Variants in RAB3GAP1 observed in about 807,000 individuals in gnomAD.
RAB3GAP1 encodes rab3 GTPase-activating protein catalytic subunit.
In RAB3GAP1, 86 loss-of-function variants were observed where a neutral mutation model predicts 130.7. The ratio of observed to expected loss-of-function variants is 0.66; its 90% CI spans 0.55 to 0.79. The LOEUF is 0.79. Ranked by LOEUF, RAB3GAP1 falls within the 30% of genes least tolerant of loss-of-function variation. The pLI, the probability that RAB3GAP1 is intolerant of heterozygous loss-of-function variation, is 0.00. For missense variants in RAB3GAP1, 1,029 were observed against 1,169.4 expected (o/e 0.88, Z 1.75); for synonymous variants, 367 against 401.7 (o/e 0.91, Z 1.03).
At chr2:135,102,725 T>C (rs1412024948) in intron 5 of RAB3GAP1, among the ~76,000 whole-genome samples, 1 of 152,136 alleles carries the variant, frequency 6.6e-6, no homozygotes, top group African/African-American at 2.4e-5. Flanking sequence ...TTAAGAAATA[T>C]TCATTTTTGT....
intron 3 of RAB3GAP1, among the ~76,000 whole-genome samples, chr2:135,059,490 AATTTT>A (rs1192402585): frequency 6.6e-6 from 1 of 152,170 alleles, no homozygotes; most frequent in Non-Finnish European, 1.5e-5. Flanking sequence ...GAAACATTAA[AATTTT>A]ATTTTATTAT....
At chr2:135,082,203 C>G (rs891294878) in intron 3 of RAB3GAP1, among the ~76,000 whole-genome samples, 4 of 150,434 alleles carry the variant, frequency 2.7e-5, no homozygotes, top group African/African-American at 1.0e-4. Flanking sequence ...AATTTATATA[C>G]CATAAAATTT....
At chr2:135,053,970 T>C (rs1688946314) in intron 2 of RAB3GAP1, among the ~76,000 whole-genome samples, 1 of 152,034 alleles carries the variant, frequency 6.6e-6, no homozygotes, top group Admixed American at 6.5e-5. Flanking sequence ...GGTAGAGACA[T>C]AGGTGAGAAT....
At chr2:135,052,379 T>C (rs972465950) in intron 1 of RAB3GAP1, 51 bp from the exon 2 acceptor site, 1 of 1,614,178 alleles carries the variant, frequency 6.2e-7, no homozygotes. Context: ...TCGTTCCTCA[T>C]GTCTTCGCCT....
At chr2:135,060,913 A>C (rs1338163737) in intron 3 of RAB3GAP1, among the ~76,000 whole-genome samples, 1 of 150,868 alleles carries the variant, frequency 6.6e-6, no homozygotes, top group Non-Finnish European at 1.5e-5. Flanking sequence ...CACGTTGGCC[A>C]GGCTGGTCTC....
intron 19 of RAB3GAP1, among the ~76,000 whole-genome samples, chr2:135,156,224 C>T (rs889887231): frequency 1.3e-5 from 2 of 152,078 alleles, no homozygotes; most frequent in African/African-American, 4.8e-5. Flanking sequence ...AAGAACCAGG[C>T]CCAGATGGTT....
At chr2:135,092,617 T>C (rs1690179598) in intron 4 of RAB3GAP1, among the ~76,000 whole-genome samples, 1 of 152,170 alleles carries the variant, frequency 6.6e-6, no homozygotes, top group South Asian at 2.1e-4. Flanking sequence ...TTTGTATTTT[T>C]AGTAGAGACA....
intron 5 of RAB3GAP1, among the ~76,000 whole-genome samples, chr2:135,099,626 C>T (rs1690397478): frequency 6.6e-6 from 1 of 151,150 alleles, no homozygotes; most frequent in African/African-American, 2.4e-5. Flanking sequence ...GTATTTTGTT[C>T]TCTTTTATTT....
intron 3 of RAB3GAP1, among the ~76,000 whole-genome samples, chr2:135,074,666 C>T (rs1225038131): frequency 2.6e-5 from 4 of 152,088 alleles, no homozygotes; most frequent in South Asian, 2.1e-4. Context: ...AGATGGGCCA[C>T]CAAAATGTTG....
At chr2:135,060,873 T>G (rs1372637398) in intron 3 of RAB3GAP1, among the ~76,000 whole-genome samples, 1 of 151,996 alleles carries the variant, frequency 6.6e-6, no homozygotes, top group South Asian at 2.1e-4. Flanking sequence ...GCCTGGCTAT[T>G]TTTGTGTTTC....
chr2:135,150,752 A>G (rs907485787), intron 18 of RAB3GAP1, among the ~76,000 whole-genome samples: 2 of 152,238 alleles, frequency 1.3e-5, no homozygotes, highest in Admixed American at 6.5e-5. Context: ...TCATTTCTAT[A>G]TGTGAATTGG....
At chr2:135,093,790 G>A in intron 5 of RAB3GAP1, 97 bp downstream of exon 5, 3 of 982,504 alleles carry the variant, frequency 3.1e-6, no homozygotes, top group South Asian at 2.6e-5. Context: ...AGACTCAGAG[G>A]ACTCAGCATT....
intron 3 of RAB3GAP1, among the ~76,000 whole-genome samples, chr2:135,073,552 C>T (rs1483441868): frequency 6.6e-6 from 1 of 152,142 alleles, no homozygotes; most frequent in African/African-American, 2.4e-5. Flanking sequence ...CCATGTATCT[C>T]ATTGGGGCAG....
Position 135,058,309 on chromosome 2 carries a change from G to GTA in RAB3GAP1, c.150+238_150+239dup, listed in dbSNP as rs147304537. ...AATAAAGTTATATATATGTGTGTGT[G>GTA]TATATATATATATATAAAATGTCAT... On this transcript the variant is annotated intron_variant, in intron 3 of 23. Coordinates refer to ENST00000264158, the MANE Select transcript of RAB3GAP1 (RefSeq NM_012233.3). 3.4e-3 allele frequency: 1,223 copies of GTA among 359,458 alleles called. 3 individuals are homozygous for GTA. Among genetic ancestry groups the GTA allele is most frequent in the African/African-American group, 0.016 (770 of 46,792 alleles). 22.3% of individuals were successfully genotyped at this position (359,458 alleles called of 1,614,324 possible).
chr2:135,065,253 C>T (rs1032390835), intron 3 of RAB3GAP1, among the ~76,000 whole-genome samples: 7 of 152,096 alleles, frequency 4.6e-5, no homozygotes, highest in African/African-American at 1.7e-4. Context: ...GATTAGAGCC[C>T]CCTTAGATCA....
chr2:135,105,423 G>A (rs1037184460), intron 5 of RAB3GAP1, among the ~76,000 whole-genome samples: 1 of 151,768 alleles, frequency 6.6e-6, no homozygotes, highest in Non-Finnish European at 1.5e-5. Flanking sequence ...TGGTGGAGAC[G>A]GGGTTTCACT....
At chr2:135,117,357 A>G (rs892778210) in intron 7 of RAB3GAP1, among the ~76,000 whole-genome samples, 11 of 151,946 alleles carry the variant, frequency 7.2e-5, no homozygotes, top group African/African-American at 2.4e-4. Flanking sequence ...CTTCAATTAT[A>G]TTTAAAATTT....
chr2:135,158,479 T>G (rs1165126754), intron 19 of RAB3GAP1, among the ~76,000 whole-genome samples: 1 of 152,180 alleles, frequency 6.6e-6, no homozygotes, highest in Non-Finnish European at 1.5e-5. Flanking sequence ...CAGGAATGAT[T>G]ATAAACCGTT....
intron 5 of RAB3GAP1, among the ~76,000 whole-genome samples, chr2:135,098,221 T>G (rs1690355160): frequency 6.6e-6 from 1 of 152,156 alleles, no homozygotes; most frequent in South Asian, 2.1e-4. Context: ...GTGGGGGTTG[T>G]TTGTTTTCTT....
Sources: gnomAD v4.1 joint callset for allele counts (sites outside exome capture counted in the v4.1 genomes callset) on GRCh38, gnomAD v4.1.1 for gene constraint, MANE v1.5 for transcripts, NCBI Gene and HGNC (gene_info 2026-07-23, HGNC 2026-07-21) for gene names.